The following LYSMD2 variants were observed in gnomAD, a reference collection of about 807,000 sequenced individuals.
LYSMD2 encodes the protein lysM and putative peptidoglycan-binding domain-containing protein 2.
In LYSMD2, 6 loss-of-function variants were observed where a neutral mutation model predicts 17.7. The observed-to-expected ratio is 0.34, with a 90% CI of 0.19 to 0.67. LYSMD2 has a LOEUF of 0.67. Among genes scored for constraint, LYSMD2 ranks in the 30% least tolerant of loss-of-function variants. LYSMD2 has a pLI of 0.69. For synonymous variants in LYSMD2, 102 were observed against 129.8 expected, an observed-to-expected ratio of 0.79 and a Z score of 1.45; for missense variants, 237 against 286.7, an observed-to-expected ratio of 0.83 and a Z score of 1.25.
chr15:51,737,676 T>G, upstream of LYSMD2: 2 of 1,176,540 alleles, frequency 1.7e-6, no homozygotes, highest in South Asian at 8.5e-5. This position sits in a 1 kb window ranked among gnomAD's most constrained non-coding sequence, Gnocchi z 4.2. Flanking sequence ...CGGCGCCTCC[T>G]CCTCCTCCGC....
chr15:51,737,690 C>T (rs2055621017), upstream of LYSMD2: 1 of 1,112,750 alleles, frequency 9.0e-7, no homozygotes, highest in East Asian at 3.6e-5. The surrounding 1 kb of genome is among the most constrained non-coding windows in gnomAD (Gnocchi z 4.2). Flanking sequence ...CCTCCGCCGC[C>T]GCCGCCGCCT....
chr15:51,732,606 T>C (rs2055583701), intron 1 of LYSMD2, among the ~76,000 whole-genome samples: 1 of 152,186 alleles, frequency 6.6e-6, no homozygotes, highest in African/African-American at 2.4e-5. Context: ...CTTTCCTAAG[T>C]CACTAGCAGA....
In LYSMD2 at chr15:51,724,947, C is replaced by G. The variant is rs1403934164; in HGVS notation, c.448G>C (p.Val150Leu). 2 of 1,614,160 alleles carry G rather than the reference C, an allele frequency of 1.2e-6. No individual in the cohort carries two copies. The highest frequency in any genetic ancestry group is 1.7e-6 in the Non-Finnish European group (2 of 1,180,002). ...GGAGGGAGGTCTTCCCCGGCCACCACTGGCTCCTCTTCCTGAGAAAAACTG... is the reference window on the plus strand; with the variant it reads ...GGAGGGAGGTCTTCCCCGGCCACCAGTGGCTCCTCTTCCTGAGAAAAACTG... ...DNSFSQEEEP[V>L]VAGEDLPPPS... The change falls in exon 2 of 3, where the codon GTG (valine) becomes CTG (leucine). Residue 150 changes from valine to leucine, a missense_variant. Transcript: ENST00000267838.
chr15:51,728,355 G>T (rs1284651300), intron 1 of LYSMD2, among the ~76,000 whole-genome samples: 1 of 150,316 alleles, frequency 6.7e-6, no homozygotes, highest in Non-Finnish European at 1.5e-5. Flanking sequence ...GGAGGCAGAG[G>T]TTGCACTGAG....
intron 1 of LYSMD2, among the ~76,000 whole-genome samples, chr15:51,726,336 G>T (rs1016844837): frequency 1.3e-5 from 2 of 152,220 alleles, no homozygotes; most frequent in Non-Finnish European, 2.9e-5. Flanking sequence ...CCCGTAGCAG[G>T]TTCAGGTATA....
At chr15:51,735,395 A>G (rs1474107262) in intron 1 of LYSMD2, among the ~76,000 whole-genome samples, 2 of 152,136 alleles carry the variant, frequency 1.3e-5, no homozygotes, top group Non-Finnish European at 2.9e-5. Flanking sequence ...ATGCCTGAAT[A>G]GGGGTGGGAG....
chr15:51,738,677 G>C (rs922305906), upstream of LYSMD2, among the ~76,000 whole-genome samples: 1 of 152,044 alleles, frequency 6.6e-6, no homozygotes, highest in African/African-American at 2.4e-5. Flanking sequence ...TTGTAGGAAG[G>C]TCCGGAGCCT....
chr15:51,745,874 A>T (rs2055665386), intron 1 of LYSMD2, among the ~76,000 whole-genome samples: 1 of 152,264 alleles, frequency 6.6e-6, no homozygotes. Flanking sequence ...ATCATTAGTC[A>T]TTAGGGAAAT....
chr15:51,724,404 A>G lies in LYSMD2; in HGVS notation c.605+386T>C, dbSNP rs1458134664. On this transcript the variant is annotated intron_variant, in intron 2 of 2. Coordinates refer to ENST00000267838, the MANE Select transcript of LYSMD2 (RefSeq NM_153374.3). ...TCTTGAAAGTGTCAGTGAGAGAGAC[A>G]CTTTTATTTTGCCGCTATCCAGAAG... is the stretch of plus-strand genomic sequence containing the variant. 1.3e-5 allele frequency among the ~76,000 whole-genome samples: 2 copies of G among 152,216 alleles called. 1 individual carries two copies. The highest frequency in any genetic ancestry group is 4.1e-4 in the South Asian group (2 of 4,834).
upstream of LYSMD2, among the ~76,000 whole-genome samples, chr15:51,740,251 G>A (rs1024871947): frequency 6.6e-6 from 1 of 152,034 alleles, no homozygotes; most frequent in Admixed American, 6.6e-5. Flanking sequence ...GAGCCACCAC[G>A]CCTGGCCAGG....
intron 1 of LYSMD2, among the ~76,000 whole-genome samples, chr15:51,746,817 C>A (rs917611174): frequency 2.6e-5 from 4 of 151,822 alleles, no homozygotes; most frequent in African/African-American, 9.7e-5. Context: ...ATCAGTTTAT[C>A]GCTCCAAAAA....
Position 51,725,201 on chromosome 15 carries a change from A to G in LYSMD2, c.274-80T>C, listed in dbSNP as rs1274727764. 7 of 866,440 alleles carry G rather than the reference A, an allele frequency of 8.1e-6. No individual in the cohort carries two copies. The African/African-American group carries it at 1.0e-4, about 13-fold the overall frequency. 53.7% of individuals were successfully genotyped at this position (866,440 alleles called of 1,614,324 possible). On this transcript the variant is annotated intron_variant, in intron 1 of 2. Coordinates refer to ENST00000267838, the MANE Select transcript of LYSMD2 (RefSeq NM_153374.3). The stretch of plus-strand genomic sequence containing the variant: ...ATTTATTATACAATACAGAACTACC[A>G]ATATTCATAAGCAAAATGTACACAA...
At chr15:51,725,698 T>C (rs1319492242) in intron 1 of LYSMD2, among the ~76,000 whole-genome samples, 1 of 152,078 alleles carries the variant, frequency 6.6e-6, no homozygotes, top group African/African-American at 2.4e-5. Context: ...AATATATATA[T>C]ATGAGAGAAT....
chr15:51,751,234 C>T (rs1046133800), intron 1 of LYSMD2: 49 of 701,404 alleles, frequency 7.0e-5, no homozygotes, highest in Non-Finnish European at 1.0e-4. Context: ...CACGCCCACG[C>T]CCAGCCAGGA....
chr15:51,740,116 C>A (rs1298435989), upstream of LYSMD2, among the ~76,000 whole-genome samples: 1 of 152,056 alleles, frequency 6.6e-6, no homozygotes, highest in African/African-American at 2.4e-5. Context: ...TGCCACTATG[C>A]CCGCCTAATT....
intron 1 of LYSMD2, among the ~76,000 whole-genome samples, chr15:51,734,852 A>T (rs2055598669): frequency 6.6e-6 from 1 of 152,194 alleles, no homozygotes; most frequent in South Asian, 2.1e-4. Context: ...TCCACCTTAA[A>T]ATCTCACAAT....
chr15:51,748,915 C>T (rs1045951971), intron 1 of LYSMD2, among the ~76,000 whole-genome samples: 2 of 152,188 alleles, frequency 1.3e-5, no homozygotes, highest in Admixed American at 6.5e-5. Context: ...ATGAGGTGTG[C>T]TACATATTCC....
chr15:51,733,118 T>C (rs953802733), intron 1 of LYSMD2, among the ~76,000 whole-genome samples: 3 of 152,120 alleles, frequency 2.0e-5, no homozygotes, highest in Non-Finnish European at 4.4e-5. Context: ...GTGCCAATTA[T>C]GTTCTCACCT....
At chr15:51,735,455 C>T (rs1427626085) in intron 1 of LYSMD2, among the ~76,000 whole-genome samples, 1 of 152,144 alleles carries the variant, frequency 6.6e-6, no homozygotes, top group Non-Finnish European at 1.5e-5. Context: ...GCTAAATATT[C>T]TACACTGCAC....
Sources: gnomAD v4.1 joint callset for allele counts (sites outside exome capture counted in the v4.1 genomes callset) on GRCh38, gnomAD v4.1.1 for gene constraint, Gnocchi (gnomAD v3.1) non-coding constraint, MANE v1.5 for transcripts, NCBI Gene and HGNC (gene_info 2026-07-23, HGNC 2026-07-21) for gene names.